The following ATM variants were observed in gnomAD, a reference collection of about 807,000 sequenced individuals.
ATM encodes ATM serine/threonine kinase.
In ATM, 308 loss-of-function variants were observed where a neutral mutation model predicts 387.0. The ratio of observed to expected loss-of-function variants is 0.80; its 90% CI spans 0.73 to 0.87. The LOEUF (loss-of-function observed/expected upper bound fraction) is 0.87, where lower values mean the gene tolerates loss of function less well. Ranked by LOEUF, ATM falls within the 40% of genes least tolerant of loss-of-function variation. ATM has a pLI of 0.00. For missense variants in ATM, 3,312 were observed against 3,560.9 expected (o/e 0.93, Z 1.78); for synonymous variants, 1,156 against 1,187.3 (o/e 0.97, Z 0.54).
rs935090310 is a variant in ATM, at chr11:108,264,476, G to A, written c.2467-2695G>A. Among the ~76,000 whole-genome samples, 29 of 152,250 alleles carry A rather than the reference G, an allele frequency of 1.9e-4. 1 individual carries two copies. Among genetic ancestry groups the A allele is most frequent in the East Asian group, 9.6e-4 (5 of 5,182 alleles). On this transcript the variant is annotated intron_variant, in intron 16 of 62. Coordinates refer to ENST00000675843, the MANE Select transcript of ATM (RefSeq NM_000051.4). ...TGAATAAATTAGGTATTGATGGGACGTATCTCAAAATAATAAGAGCTATCT... is the reference window on the plus strand; with the variant it reads ...TGAATAAATTAGGTATTGATGGGACATATCTCAAAATAATAAGAGCTATCT...
chr11:108,275,959 A>C (rs759425195), intron 22 of ATM, among the ~76,000 whole-genome samples: 6 of 152,164 alleles, frequency 3.9e-5, no homozygotes, highest in Non-Finnish European at 8.8e-5. Context: ...GGTGTTTCCA[A>C]CTTGGTTCCA....
intron 39 of ATM, among the ~76,000 whole-genome samples, chr11:108,310,716 T>C (rs1382923918): frequency 6.6e-6 from 1 of 152,174 alleles, no homozygotes; most frequent in African/African-American, 2.4e-5. Flanking sequence ...AAGATTCATT[T>C]TGGATATAAA....
At chr11:108,317,288 A>C in intron 42 of ATM, 85 bp from the exon 43 acceptor site, 2 of 1,413,982 alleles carry the variant, frequency 1.4e-6, no homozygotes, top group South Asian at 2.4e-5. Flanking sequence ...TGTCTAAGTT[A>C]ATTTGTATCT....
At chr11:108,296,572 G>A (rs924653777) in intron 32 of ATM, among the ~76,000 whole-genome samples, 40 of 152,120 alleles carry the variant, frequency 2.6e-4, no homozygotes, top group African/African-American at 9.2e-4. Flanking sequence ...TTTCTCTTGT[G>A]TTGTTTTTAC....
intron 56 of ATM, among the ~76,000 whole-genome samples, chr11:108,336,971 A>G (rs1201558875): frequency 6.6e-6 from 1 of 152,154 alleles, no homozygotes; most frequent in Non-Finnish European, 1.5e-5. Context: ...CCTTCTATAA[A>G]TGTTGTAACA....
chr11:108,272,236 G>C (rs1022442115), intron 20 of ATM, among the ~76,000 whole-genome samples: 2 of 152,118 alleles, frequency 1.3e-5, no homozygotes, highest in African/African-American at 4.8e-5. Flanking sequence ...ACCAAACAAA[G>C]AAATTTCTTT....
intron 1 of ATM, chr11:108,226,093 T>C (rs768796086): frequency 7.9e-5 from 12 of 152,352 alleles, no homozygotes; most frequent in Admixed American, 2.0e-4. Context: ...CTTTGTATTA[T>C]ATAAAGGTTT....
chr11:108,260,029 T>G (rs1407847486), intron 16 of ATM, among the ~76,000 whole-genome samples: 2 of 132,588 alleles, frequency 1.5e-5, no homozygotes, highest in East Asian at 4.3e-4. Context: ...GCTTATCTGC[T>G]CTTTTTTTTT....
intron 47 of ATM, 158 bp from the exon 48 acceptor site, chr11:108,327,486 TA>T: frequency 1.6e-6 from 1 of 607,814 alleles, no homozygotes; most frequent in Admixed American, 2.6e-5. Context: ...ATGGGATTAT[TA>T]AAATAGTTGT....
Position 108,307,849 on chromosome 11 carries a change from T to TA in ATM, c.5675-48_5675-47insA, listed in dbSNP as rs2083810093. ...CACATAAACAAGAAGGAAGAAGGTG[T>TA]GTAAGCAAGAATGCCTGGGACTGAG... On this transcript the variant is annotated intron_variant, in intron 37 of 62. Coordinates refer to ENST00000675843, the MANE Select transcript of ATM (RefSeq NM_000051.4). 3 of 1,501,120 alleles carry TA rather than the reference T, an allele frequency of 2.0e-6. No homozygotes were observed. In the South Asian group the frequency reaches 3.4e-5, roughly 17 times the overall value. The allele number at this position is 1,501,120 out of a possible 1,614,324, so 93.0% of individuals were successfully genotyped here. A position where few individuals can be genotyped will look rare whatever the true frequency, so the allele number is the denominator to read the frequency against.
chr11:108,352,569 C>T (rs1410484401), intron 59 of ATM, among the ~76,000 whole-genome samples: 1 of 152,128 alleles, frequency 6.6e-6, no homozygotes, highest in Non-Finnish European at 1.5e-5. Flanking sequence ...ACTCTCAAAA[C>T]TTAACAACAA....
chr11:108,280,351 G>C (rs1225120006), intron 23 of ATM, among the ~76,000 whole-genome samples: 2 of 152,152 alleles, frequency 1.3e-5, no homozygotes, highest in East Asian at 3.8e-4. Flanking sequence ...TGTATCTTGT[G>C]ATTATAGTAT....
rs769959260 is a variant in ATM, at chr11:108,353,868, G to A, written c.8774G>A (p.Gly2925Asp). ...VDGMGITGVE[G>D]VFRRCCEKTM... is the part of the protein sequence containing the mutation. Reference sequence around the variant, plus strand: ...GGCATGGGCATTACGGGTGTTGAAGGTGTCTTCAGAAGGTAAGTGATATGA... The same window carrying A: ...GGCATGGGCATTACGGGTGTTGAAGATGTCTTCAGAAGGTAAGTGATATGA... Residue 2925 changes from glycine (G) to aspartate (D), a missense_variant, in exon 60 of 63, where the codon GGT (glycine) becomes GAT (aspartate). Coordinates refer to ENST00000675843, the MANE Select transcript of ATM (RefSeq NM_000051.4). 6.2e-7 allele frequency: 1 copy of A among 1,612,804 alleles called. No homozygotes were observed. The highest frequency in any genetic ancestry group is 8.5e-7 in the Non-Finnish European group (1 of 1,178,912).
Position 108,304,812 on chromosome 11 carries a change from G to T in ATM, c.5634G>T (p.Ser1878=), listed in dbSNP as rs767070325. The T allele has an allele frequency of 1.2e-6, 2 of 1,612,646 alleles. No individual in the cohort carries two copies. The highest frequency in any genetic ancestry group is 1.7e-6 in the Non-Finnish European group (2 of 1,179,852). The part of the protein sequence containing the change: ...GFFTSCLRHF[S]QTSRSTTPAN... ...TCACCAGCTGTCTTCGACACTTCTC[G>T]CAAACGAGCCGATCCACAACCCCTG... Residue 1878 remains serine, a synonymous_variant, in exon 37 of 63, where the codon TCG becomes TCT. Transcript: ENST00000675843.
In ATM at chr11:108,367,218, AC is replaced by A. The variant is rs1039982925; in HGVS notation, c.*1712del. ...TAGCCAGGATGGTCTCGATCGCTTGACCTCGTGATCCACCCTCCTCGGCCTC... is the reference window on the plus strand; with the variant it reads ...TAGCCAGGATGGTCTCGATCGCTTGACTCGTGATCCACCCTCCTCGGCCTC... On this transcript the variant is annotated 3_prime_UTR_variant, in exon 63 of 63. Transcript: ENST00000675843. 2.2e-5 allele frequency: 4 copies of A among 178,166 alleles called. No homozygotes were observed. Among genetic ancestry groups the A allele is most frequent in the African/African-American group, 9.5e-5 (4 of 42,120 alleles). 11.0% of individuals were successfully genotyped at this position (178,166 alleles called of 1,614,324 possible). A position where few individuals can be genotyped will look rare whatever the true frequency, so the allele number is the denominator to read the frequency against.
rs2086664285 is a variant in ATM, at chr11:108,334,943, A to G, written c.8011-26A>G. 2.5e-6 allele frequency: 4 copies of G among 1,601,226 alleles called. No homozygotes were observed. The African/African-American group carries it at 4.0e-5, about 16-fold the overall frequency. ...GTGCAAATAGTGTATCTGACCTATT[A>G]TCAATCATGTTTATACTTTTATTAG... On this transcript the variant is annotated intron_variant, in intron 54 of 62. Transcript: ENST00000675843.
intron 33 of ATM, among the ~76,000 whole-genome samples, chr11:108,298,195 G>C (rs2083226030): frequency 1.3e-5 from 2 of 152,164 alleles, no homozygotes; most frequent in South Asian, 4.1e-4. Context: ...AAATCACCTG[G>C]TTAAAGTCAG....
At chr11:108,358,909 A>G (rs1369793233) in intron 61 of ATM, among the ~76,000 whole-genome samples, 3 of 152,136 alleles carry the variant, frequency 2.0e-5, no homozygotes, top group African/African-American at 7.2e-5. Context: ...ATCACCAGCT[A>G]ACATCATAAT....
intron 37 of ATM, among the ~76,000 whole-genome samples, chr11:108,307,089 T>C (rs1211395077): frequency 6.6e-6 from 1 of 152,178 alleles, no homozygotes; most frequent in Non-Finnish European, 1.5e-5. Context: ...AGCACTATCC[T>C]TTCCTGCTCT....
Sources: allele counts gnomAD v4.1 joint callset (sites outside exome capture counted in the v4.1 genomes callset), GRCh38; gene constraint gnomAD v4.1.1; transcripts MANE v1.5; gene names NCBI Gene and HGNC (gene_info 2026-07-23, HGNC 2026-07-21).